HIF1A: variants seen among roughly 807,000 people sequenced by gnomAD.
The protein encoded by HIF1A is hypoxia inducible factor 1 subunit alpha.
In HIF1A, 24 loss-of-function variants were observed where a neutral mutation model predicts 92.7. The observed-to-expected ratio is 0.26, with a 90% CI of 0.19 to 0.36. HIF1A has a LOEUF of 0.36. HIF1A is among the 10% of genes least tolerant of loss of function. HIF1A has a pLI of 1.00. For synonymous variants in HIF1A, 319 were observed against 338.7 expected (o/e 0.94, Z 0.64); for missense variants, 799 against 998.5 (o/e 0.80, Z 2.69).
chr14:61,726,565 AGG>A (rs2044507547), intron 4 of HIF1A, 139 bp from the exon 5 acceptor site: 1 of 535,956 alleles, frequency 1.9e-6, no homozygotes, highest in Admixed American at 3.8e-5. Context: ...AGTGAGTAAA[AGG>A]GGAATGAATT....
intron 1 of HIF1A, among the ~76,000 whole-genome samples, chr14:61,696,719 T>C (rs1364435022): frequency 6.6e-6 from 1 of 152,166 alleles, no homozygotes; most frequent in Non-Finnish European, 1.5e-5. Context: ...TTAATGATAC[T>C]GAAAAAAGTA....
At chr14:61,696,011 C>G (rs1034609415) in intron 1 of HIF1A, among the ~76,000 whole-genome samples, 172 bp downstream of exon 1, 1 of 152,206 alleles carries the variant, frequency 6.6e-6, no homozygotes, top group Non-Finnish European at 1.5e-5. Context: ...CGGGCTCCCC[C>G]GCTGTCCACG....
At chr14:61,742,680 G>A (rs1487856939) in intron 12 of HIF1A, among the ~76,000 whole-genome samples, 1 of 151,992 alleles carries the variant, frequency 6.6e-6, no homozygotes, top group Non-Finnish European at 1.5e-5. Context: ...GAGGCCAAGA[G>A]TTTCAGACCA....
In HIF1A at chr14:61,726,690, T is replaced by A. The variant is rs2044508956; in HGVS notation, c.458-16T>A. ...ATATTTAGTTGCTTTAAAACTTTAT[T>A]TCATGCTTTCATTAGGCCTTGTGAA... On this transcript the variant is annotated splice_polypyrimidine_tract_variant and intron_variant, in intron 4 of 14. Coordinates refer to ENST00000337138, the MANE Select transcript of HIF1A (RefSeq NM_001530.4). 3.3e-6 allele frequency: 5 copies of A among 1,512,458 alleles called. No individual in the cohort carries two copies. In the Middle Eastern group the frequency reaches 5.2e-4, roughly 158 times the overall value. 93.7% of individuals were successfully genotyped at this position (1,512,458 alleles called of 1,614,324 possible).
intron 8 of HIF1A, among the ~76,000 whole-genome samples, chr14:61,735,814 C>G (rs184062674): frequency 5.3e-5 from 8 of 152,160 alleles, no homozygotes; most frequent in Admixed American, 3.9e-4. Flanking sequence ...ATCTGTGTAT[C>G]TTTAGGACTA....
intron 8 of HIF1A, 30 bp from the exon 9 acceptor site, chr14:61,736,859 G>A: frequency 1.3e-6 from 2 of 1,503,686 alleles, no homozygotes; most frequent in Non-Finnish European, 1.8e-6. Flanking sequence ...GTGCTCATTT[G>A]TGAATTACCA....
At chr14:61,744,294 G>A (rs1386870783) in intron 12 of HIF1A, among the ~76,000 whole-genome samples, 7 of 152,062 alleles carry the variant, frequency 4.6e-5, no homozygotes, top group Non-Finnish European at 8.8e-5. Flanking sequence ...GGAGGCCAAG[G>A]TGGGCAGATC....
At chr14:61,723,152 A>G (rs369314086) in intron 4 of HIF1A, among the ~76,000 whole-genome samples, 1 of 152,146 alleles carries the variant, frequency 6.6e-6, no homozygotes, top group Admixed American at 6.5e-5. Context: ...TAAAACCTCA[A>G]ATTTACTTTT....
chr14:61,700,553 G>A (rs111481668), intron 1 of HIF1A, among the ~76,000 whole-genome samples: 2,011 of 152,188 alleles, frequency 0.013, 52 homozygotes, highest in African/African-American at 0.045. Context: ...ATCCAGCAAC[G>A]GACACTTGGG....
In HIF1A at chr14:61,721,920, G is replaced by A. The variant is rs186950290; in HGVS notation, c.457+97G>A. ...AAACTTTGCTATTGTACTTACCCAAGGCAAAATGTTATTTCATGTTTAATA... is the reference window on the plus strand; with the variant it reads ...AAACTTTGCTATTGTACTTACCCAAAGCAAAATGTTATTTCATGTTTAATA... On this transcript the variant is annotated intron_variant, in intron 4 of 14. Coordinates refer to ENST00000337138, the MANE Select transcript of HIF1A (RefSeq NM_001530.4). 4.7e-4 allele frequency: 353 copies of A among 748,204 alleles called. 2 individuals are homozygous for A. In the East Asian group the frequency reaches 4.8e-3, roughly 10 times the overall value. The allele number at this position is 748,204 out of a possible 1,614,324, so 46.3% of individuals were successfully genotyped here. A position where few individuals can be genotyped will look rare whatever the true frequency, so the allele number is the denominator to read the frequency against.
intron 6 of HIF1A, among the ~76,000 whole-genome samples, chr14:61,732,153 C>T (rs2044583630): frequency 6.6e-6 from 1 of 151,910 alleles, no homozygotes; most frequent in Admixed American, 6.6e-5. Context: ...AAAAAAAAGA[C>T]CAGGTAACAA....
At chr14:61,733,081 T>G (rs1024728173) in intron 7 of HIF1A, among the ~76,000 whole-genome samples, 2 of 152,098 alleles carry the variant, frequency 1.3e-5, no homozygotes, top group African/African-American at 2.4e-5. Flanking sequence ...TATTTTTATT[T>G]TATTTTATTT....
chr14:61,699,793 G>T (rs1057355133), intron 1 of HIF1A, among the ~76,000 whole-genome samples: 2 of 152,126 alleles, frequency 1.3e-5, no homozygotes, highest in Non-Finnish European at 2.9e-5. Context: ...ACTCTGGAAG[G>T]TTAGAAAGAG....
chr14:61,721,264 A>C (rs2044423777), intron 2 of HIF1A, among the ~76,000 whole-genome samples: 1 of 152,032 alleles, frequency 6.6e-6, no homozygotes, highest in Non-Finnish European at 1.5e-5. Flanking sequence ...TAAATAAATA[A>C]ATAAAAAACA....
chr14:61,745,347 C>T (rs1395341555), intron 13 of HIF1A, among the ~76,000 whole-genome samples: 2 of 152,038 alleles, frequency 1.3e-5, no homozygotes, highest in African/African-American at 2.4e-5. Flanking sequence ...AGCTTGAACC[C>T]GGGAGGTGGA....
Position 61,741,166 on chromosome 14 carries a change from T to C in HIF1A, c.2071T>C (p.Leu691=). 1 of 1,602,490 alleles carries C rather than the reference T, an allele frequency of 6.2e-7. No individual in the cohort carries two copies. The highest frequency in any genetic ancestry group is 1.1e-5 in the South Asian group (1 of 88,724). Residue 691 remains leucine, a synonymous_variant, in exon 12 of 15, where the codon TTA becomes CTA. Transcript: ENST00000337138. ...EKSHPRSPNV[L]SVALSQRTTV... ...ATCTCATCCAAGAAGCCCTAACGTG[T>C]TATCTGTCGCTTTGAGTCAAAGGTA...
rs567467673 is a variant in HIF1A, at chr14:61,724,242, T to C, written c.457+2419T>C. Among the ~76,000 whole-genome samples the C allele has an allele frequency of 2.6e-4, 39 of 152,040 alleles. No individual in the cohort carries two copies. In the East Asian group the frequency reaches 5.0e-3, roughly 20 times the overall value. ...GGTTCCTTTCAAAGGTCAGTATAAT[T>C]CAAGCTTAGTTTATGAAGGACTGAA... On this transcript the variant is annotated intron_variant, in intron 4 of 14. Transcript: ENST00000337138.
rs1454558979 is a variant in HIF1A at position 61,695,727 on chromosome 14, T to A, written c.-78T>A. ...CTTGCCTTTCCTTCTCTTCTCCGCG[T>A]GTGGAGGGAGCCAGCGCTTAGGCCG... On this transcript the variant is annotated 5_prime_UTR_variant, in exon 1 of 15. Coordinates refer to ENST00000337138, the MANE Select transcript of HIF1A (RefSeq NM_001530.4). The A allele has an allele frequency of 6.8e-7, 1 of 1,466,350 alleles. No individual in the cohort carries two copies. Among genetic ancestry groups the A allele is most frequent in the East Asian group, 2.4e-5 (1 of 41,090 alleles). 90.8% of individuals were successfully genotyped at this position (1,466,350 alleles called of 1,614,324 possible).
chr14:61,721,941 T>G, intron 4 of HIF1A, 118 bp downstream of exon 4: 1 of 663,204 alleles, frequency 1.5e-6, no homozygotes, highest in Non-Finnish European at 2.6e-6. Context: ...ATTTCATGTT[T>G]AATAAAATGT....
Sources: allele counts gnomAD v4.1 joint callset (sites outside exome capture counted in the v4.1 genomes callset), GRCh38; gene constraint gnomAD v4.1.1; transcripts MANE v1.5; gene names NCBI Gene and HGNC (gene_info 2026-07-23, HGNC 2026-07-21).